FSTL5: variants seen among roughly 807,000 people sequenced by gnomAD.
FSTL5 encodes the protein follistatin like 5.
FSTL5 carries 62 observed loss-of-function variants against 89.1 expected under a neutral mutation model. The ratio of observed to expected loss-of-function variants is 0.70; its 90% CI spans 0.57 to 0.86. The LOEUF (loss-of-function observed/expected upper bound fraction) is 0.86. Among genes scored for constraint, FSTL5 ranks in the 40% least tolerant of loss-of-function variants. The pLI, the probability that FSTL5 is intolerant of heterozygous loss-of-function variation, is 0.00. For missense variants in FSTL5, 1,057 were observed against 1,001.6 expected (o/e 1.06, Z -0.75); for synonymous variants, 383 against 346.2 (o/e 1.11, Z -1.18).
At chr4:162,046,357 C>T (rs1047826168) in intron 2 of FSTL5, among the ~76,000 whole-genome samples, 16 of 152,000 alleles carry the variant, frequency 1.1e-4, no homozygotes, top group South Asian at 4.2e-4. Context: ...AGTCTCCAAG[C>T]GAAACTGTTA....
At chr4:161,611,530 C>T (rs956069028) in intron 7 of FSTL5, among the ~76,000 whole-genome samples, 3 of 151,752 alleles carry the variant, frequency 2.0e-5, no homozygotes. Flanking sequence ...CATCAATTCC[C>T]AAATATTTAT....
At chr4:161,891,601 T>G (rs1243252182) in intron 4 of FSTL5, among the ~76,000 whole-genome samples, 2 of 152,130 alleles carry the variant, frequency 1.3e-5, no homozygotes, top group African/African-American at 4.8e-5. Flanking sequence ...TAATGTAAAG[T>G]TAGGAATCAG....
intron 1 of FSTL5, among the ~76,000 whole-genome samples, chr4:162,143,748 A>ACAC (rs1363446909): frequency 0.053 from 6,791 of 127,672 alleles, 344 homozygotes; most frequent in African/African-American, 0.15. Context: ...ACACACACAC[A>ACAC]CCCAGGAAAA....
At chr4:161,473,424 ATTT>A in intron 13 of FSTL5, among the ~76,000 whole-genome samples, 1 of 129,760 alleles carries the variant, frequency 7.7e-6, no homozygotes, top group African/African-American at 3.0e-5. Flanking sequence ...GTCTCTTGTA[ATTT>A]TTTTTTTTTT....
rs549380743 is a variant in FSTL5, at chr4:161,620,195, G to C, written c.895-32620C>G. 5.8e-3 allele frequency among the ~76,000 whole-genome samples: 684 copies of C among 117,404 alleles called. 5 individuals carry two copies. Among genetic ancestry groups the C allele is most frequent in the African/African-American group, 0.021 (655 of 30,784 alleles). The allele number at this position is 117,404 out of a possible 152,430, so 77.0% of individuals were successfully genotyped here. On this transcript the variant is annotated intron_variant, in intron 7 of 15. Transcript: ENST00000306100. ...CACACTCTGGGGACTGTTGTGGGGT[G>C]GGGGGAGGGGGGAGGGATAGCTTTA...
chr4:161,667,691 A>G (rs1736951229), intron 6 of FSTL5, among the ~76,000 whole-genome samples: 1 of 152,116 alleles, frequency 6.6e-6, no homozygotes, highest in Non-Finnish European at 1.5e-5. Flanking sequence ...CCTGTGAAGT[A>G]CATACTGATT....
At chr4:161,874,188 T>G (rs562458266) in intron 4 of FSTL5, among the ~76,000 whole-genome samples, 1 of 152,108 alleles carries the variant, frequency 6.6e-6, no homozygotes, top group Non-Finnish European at 1.5e-5. Context: ...TTAATCTATA[T>G]CGTCTCAAAC....
rs4691769 is a variant in FSTL5 at position 161,538,147 on chromosome 4, T to C, written c.1312+19A>G. 1,609,981 of 1,612,864 alleles carry C rather than the reference T, an allele frequency of 1. 803,596 individuals are homozygous for C. Among genetic ancestry groups the C allele is most frequent in the East Asian group, 1 (44,824 of 44,824 alleles). ...GTTGAATATGGTGTGTGTGTGCTGT[T>C]GGGTGGTTCTATACATACGGGTCTT... is the stretch of plus-strand genomic sequence containing the variant. On this transcript the variant is annotated intron_variant, in intron 10 of 15. Coordinates refer to ENST00000306100, the MANE Select transcript of FSTL5 (RefSeq NM_020116.5).
intron 8 of FSTL5, among the ~76,000 whole-genome samples, chr4:161,565,846 T>C (rs1184247806): frequency 6.7e-6 from 1 of 149,736 alleles, no homozygotes; most frequent in Non-Finnish European, 1.5e-5. Context: ...TTCCATATCT[T>C]TGCAATTGTG....
At chr4:161,469,095 C>T (rs1387607635) in intron 13 of FSTL5, among the ~76,000 whole-genome samples, 2 of 152,082 alleles carry the variant, frequency 1.3e-5, no homozygotes, top group Admixed American at 1.3e-4. Flanking sequence ...CTCTTCCTAG[C>T]CCTGGAAACT....
intron 6 of FSTL5, among the ~76,000 whole-genome samples, chr4:161,709,035 T>G (rs918690939): frequency 8.5e-5 from 13 of 152,188 alleles, no homozygotes; most frequent in East Asian, 1.9e-4. Flanking sequence ...AAATCTAAAG[T>G]AACACAAAAG....
At chr4:162,041,786 C>T (rs1179929832) in intron 2 of FSTL5, 1 of 152,012 alleles carries the variant, frequency 6.6e-6, no homozygotes, top group African/African-American at 2.4e-5. Flanking sequence ...GAATTTACCA[C>T]CAGAATTTTA....
chr4:161,652,586 G>T (rs1236181653), intron 7 of FSTL5, among the ~76,000 whole-genome samples: 2 of 151,988 alleles, frequency 1.3e-5, no homozygotes, highest in African/African-American at 2.4e-5. Flanking sequence ...AATTATATAT[G>T]CAATGCATGA....
intron 6 of FSTL5, among the ~76,000 whole-genome samples, chr4:161,749,516 G>A (rs1256416216): frequency 2.0e-5 from 3 of 152,104 alleles, no homozygotes; most frequent in Non-Finnish European, 4.4e-5. Context: ...AAAGATAATA[G>A]GCCCGGCGCG....
intron 8 of FSTL5, among the ~76,000 whole-genome samples, chr4:161,568,420 C>A (rs1415588440): frequency 2.0e-5 from 3 of 152,130 alleles, no homozygotes; most frequent in Non-Finnish European, 4.4e-5. Flanking sequence ...TGGTATATGC[C>A]TTAGAGCTGA....
At chr4:161,608,234 A>C (rs921167838) in intron 7 of FSTL5, among the ~76,000 whole-genome samples, 2 of 152,278 alleles carry the variant, frequency 1.3e-5, no homozygotes, top group South Asian at 4.1e-4. Flanking sequence ...AGGAATATAT[A>C]ACTTGTATAT....
chr4:162,094,600 A>G (rs929375332), intron 2 of FSTL5, among the ~76,000 whole-genome samples: 1 of 152,136 alleles, frequency 6.6e-6, no homozygotes, highest in Non-Finnish European at 1.5e-5. Flanking sequence ...TAAAAATAAA[A>G]ACAACAGACA....
chr4:161,810,104 C>T (rs1263831697), intron 4 of FSTL5, among the ~76,000 whole-genome samples: 1 of 151,626 alleles, frequency 6.6e-6, no homozygotes, highest in African/African-American at 2.4e-5. Context: ...GTTATATGAA[C>T]CTGTAGTTGT....
At chr4:161,923,137 G>A (rs207465214) in intron 3 of FSTL5, among the ~76,000 whole-genome samples, 5 of 151,842 alleles carry the variant, frequency 3.3e-5, no homozygotes, top group Non-Finnish European at 5.9e-5. Context: ...TAGATGCCTC[G>A]TGGTAGCCAA....
Sources: allele counts gnomAD v4.1 joint callset (sites outside exome capture counted in the v4.1 genomes callset), GRCh38; gene constraint gnomAD v4.1.1; transcripts MANE v1.5; gene names NCBI Gene and HGNC (gene_info 2026-07-23, HGNC 2026-07-21).